The following LRRC9 variants were observed in gnomAD, a reference collection of about 807,000 sequenced individuals.
LRRC9 encodes the protein leucine rich repeat containing 9, also known as leucine-rich repeat-containing protein 9.
LRRC9 carries 122 observed loss-of-function variants against 63.2 expected under a neutral mutation model. The observed-to-expected ratio is 1.93, with a 90% CI of 1.67 to 2.24. LRRC9 has a LOEUF of 2.24. Ranked by LOEUF, LRRC9 falls within the 30% of genes most tolerant of loss-of-function variation. The pLI, the probability that LRRC9 is intolerant of heterozygous loss-of-function variation, is 0.00. For synonymous variants in LRRC9, 366 were observed against 213.1 expected (o/e 1.72, Z -6.25); for missense variants, 1,071 against 627.7 (o/e 1.71, Z -7.55).
chr14:60,008,280 T>G (rs1595011855), intron 23 of LRRC9, 66 bp downstream of exon 23: 3 of 575,424 alleles, frequency 5.2e-6, no homozygotes, highest in Non-Finnish European at 9.3e-6. Context: ...TAGGACATAG[T>G]CATTTTGAAC....
At chr14:59,940,635 T>C (rs1419494093) in intron 7 of LRRC9, among the ~76,000 whole-genome samples, 12 of 152,070 alleles carry the variant, frequency 7.9e-5, no homozygotes, top group Admixed American at 7.9e-4. Context: ...ATGATGAAAA[T>C]AGTATCTGCT....
intron 29 of LRRC9, among the ~76,000 whole-genome samples, chr14:60,048,899 A>G (rs1893662865): frequency 6.6e-6 from 1 of 152,180 alleles, no homozygotes; most frequent in African/African-American, 2.4e-5. Context: ...ATGCTGGCAA[A>G]TCAAATCCAG....
intron 8 of LRRC9, among the ~76,000 whole-genome samples, chr14:59,946,475 T>C (rs2139871191): frequency 6.6e-6 from 1 of 151,428 alleles, no homozygotes; most frequent in East Asian, 1.9e-4. Context: ...TTTTAATGAA[T>C]ATGCTTAATC....
chr14:59,976,356 G>A (rs1594919847), intron 13 of LRRC9, among the ~76,000 whole-genome samples: 2 of 152,308 alleles, frequency 1.3e-5, no homozygotes, highest in East Asian at 3.9e-4. Context: ...GTGCCAAAAA[G>A]GTTGGAGACC....
Position 59,963,978 on chromosome 14 carries a change from ATCTT to A in LRRC9, c.1212-2607_1212-2604del, listed in dbSNP as rs1884597364. ...TTGTATATTAACAAAATGTGTAGGC[ATCTT>A]TCTGTGTAACTGAATATATTAGTCA... is the stretch of plus-strand genomic sequence containing the variant. On this transcript the variant is annotated intron_variant, in intron 10 of 31. Coordinates refer to ENST00000445360, the Ensembl canonical transcript of LRRC9. 3.3e-5 allele frequency among the ~76,000 whole-genome samples: 5 copies of A among 152,356 alleles called. No homozygotes were observed. The South Asian group carries it at 1.0e-3, about 32-fold the overall frequency.
At chr14:60,032,575 T>C (rs1437931088) in intron 29 of LRRC9, among the ~76,000 whole-genome samples, 1 of 152,212 alleles carries the variant, frequency 6.6e-6, no homozygotes, top group African/African-American at 2.4e-5. Context: ...CAACCTTTCC[T>C]GTTGGAATCT....
chr14:59,928,389 C>T (rs749979554), exon 3 of LRRC9: 17 of 697,312 alleles, frequency 2.4e-5, no homozygotes, highest in Admixed American at 6.1e-5. Flanking sequence ...CCTAATTTAA[C>T]GAGTCTTACC....
chr14:59,943,062 A>G (rs1881963905), intron 7 of LRRC9, among the ~76,000 whole-genome samples: 1 of 151,836 alleles, frequency 6.6e-6, no homozygotes, highest in African/African-American at 2.4e-5. Context: ...TATATTCTGG[A>G]TATAAGACCC....
downstream of LRRC9, among the ~76,000 whole-genome samples, chr14:60,066,529 C>A (rs1894886770): frequency 6.6e-6 from 1 of 152,042 alleles, no homozygotes; most frequent in South Asian, 2.1e-4. Context: ...TTTTCTGATG[C>A]CTTACTATAA....
chr14:59,999,367 G>A, intron 19 of LRRC9, 141 bp downstream of exon 19: 1 of 474,392 alleles, frequency 2.1e-6, no homozygotes. Flanking sequence ...CATACCACTT[G>A]GTATTTTTTC....
chr14:60,044,348 TG>T (rs1893227141), intron 29 of LRRC9, among the ~76,000 whole-genome samples: 1 of 152,140 alleles, frequency 6.6e-6, no homozygotes, highest in African/African-American at 2.4e-5. Context: ...GGGCTTGGCT[TG>T]TTTTTACATT....
At chr14:59,996,727 G>A (rs778996093) in intron 17 of LRRC9, among the ~76,000 whole-genome samples, 6 of 152,182 alleles carry the variant, frequency 3.9e-5, no homozygotes, top group Non-Finnish European at 7.4e-5. Context: ...ACTGTTGGAA[G>A]AAAATGTTGG....
intron 19 of LRRC9, 62 bp downstream of exon 19, chr14:59,999,288 ACT>A: frequency 3.3e-6 from 2 of 608,850 alleles, no homozygotes; most frequent in South Asian, 4.0e-5. Context: ...TATTTTGCAT[ACT>A]CTTTTTCTGT....
chr14:59,971,756 A>G (rs1049302508), intron 12 of LRRC9, among the ~76,000 whole-genome samples: 1 of 151,650 alleles, frequency 6.6e-6, no homozygotes, highest in African/African-American at 2.4e-5. Context: ...ACATCTAATC[A>G]TTTTCCAGTG....
chr14:59,940,229 C>A (rs1461053828), intron 7 of LRRC9, among the ~76,000 whole-genome samples: 1 of 151,926 alleles, frequency 6.6e-6, no homozygotes, highest in East Asian at 1.9e-4. Flanking sequence ...ATTTATCCTC[C>A]CTTTACCTTT....
chr14:60,041,950 G>C (rs1387102949), intron 29 of LRRC9, among the ~76,000 whole-genome samples: 1 of 152,148 alleles, frequency 6.6e-6, no homozygotes, highest in Non-Finnish European at 1.5e-5. Flanking sequence ...CTTTCTGTTT[G>C]TTAGTTTTCT....
intron 28 of LRRC9, among the ~76,000 whole-genome samples, chr14:60,030,955 G>A (rs1355913825): frequency 6.6e-6 from 1 of 151,970 alleles, no homozygotes; most frequent in Non-Finnish European, 1.5e-5. Context: ...AGATTTAATA[G>A]TCTATTTCCC....
intron 16 of LRRC9, among the ~76,000 whole-genome samples, chr14:59,984,408 C>T (rs1887242194): frequency 6.6e-6 from 1 of 152,030 alleles, no homozygotes; most frequent in South Asian, 2.1e-4. Context: ...TGTCTTGTGC[C>T]CTTGTTTATT....
At chr14:59,931,974 T>C (rs1262232132) in exon 6 of LRRC9, 2 of 699,474 alleles carry the variant, frequency 2.9e-6, no homozygotes, top group Middle Eastern at 2.3e-4. Context: ...TAAAGGTCGA[T>C]GTCTTGACTC....
Sources: gnomAD v4.1 joint callset for allele counts (sites outside exome capture counted in the v4.1 genomes callset) on GRCh38, gnomAD v4.1.1 for gene constraint, MANE v1.5 for transcripts, NCBI Gene and HGNC (gene_info 2026-07-23, HGNC 2026-07-21) for gene names.